The following AMZ1 variants were observed in gnomAD, a reference collection of about 807,000 sequenced individuals.
AMZ1 encodes archaemetzincin-1.
AMZ1 carries 39 observed loss-of-function variants against 29.9 expected under a neutral mutation model. That is an observed-to-expected ratio of 1.30 (90% CI 1.01 to 1.70). The LOEUF (loss-of-function observed/expected upper bound fraction) is 1.70. AMZ1 is among the 40% of genes most tolerant of loss of function. The pLI is 0.00. For missense variants in AMZ1, 1,041 were observed against 680.6 expected, an observed-to-expected ratio of 1.53 and a Z score of -5.89; for synonymous variants, 458 against 304.0, an observed-to-expected ratio of 1.51 and a Z score of -5.27.
At chr7:2,706,257 C>T (rs1488668259) in intron 3 of AMZ1, among the ~76,000 whole-genome samples, 1 of 152,146 alleles carries the variant, frequency 6.6e-6, no homozygotes, top group Non-Finnish European at 1.5e-5. Context: ...CTCCCTGCAG[C>T]CTTGAACTCC....
chr7:2,705,907 G>C (rs571504318), intron 3 of AMZ1, among the ~76,000 whole-genome samples: 5 of 152,294 alleles, frequency 3.3e-5, no homozygotes, highest in Non-Finnish European at 7.4e-5. Context: ...CCTCCCCCAC[G>C]CCGTACACGG....
At chr7:2,695,712 T>C (rs1001400636) in intron 1 of AMZ1, among the ~76,000 whole-genome samples, 1 of 148,916 alleles carries the variant, frequency 6.7e-6, no homozygotes, top group Non-Finnish European at 1.5e-5. Flanking sequence ...TCCTGTCTCA[T>C]TTAAAAAAGA....
At chr7:2,761,184 G>A (rs1402862102), upstream of AMZ1, among the ~76,000 whole-genome samples, 2 of 152,148 alleles carry the variant, frequency 1.3e-5, no homozygotes, top group East Asian at 1.9e-4. Flanking sequence ...CACCGTGCAC[G>A]GCACTGCGCA....
Position 2,728,781 on chromosome 7 carries a change from C to T in AMZ1, n.550+18965C>T, listed in dbSNP as rs551454529. 4.6e-5 allele frequency: 7 copies of T among 152,480 alleles called. No homozygotes were observed. In the East Asian group the frequency reaches 1.3e-3, roughly 29 times the overall value. The allele number at this position is 152,480 out of a possible 1,614,324, so 9.4% of individuals were successfully genotyped here. A position where few individuals can be genotyped will look rare whatever the true frequency, so the allele number is the denominator to read the frequency against. ...GCAGAGTTTCCTTCTTCTCCAATTA[C>T]AATGTGTTACAGAATTTGGAAGGGG... On this transcript the variant is annotated intron_variant and non_coding_transcript_variant, in intron 4 of 4. Transcript: ENST00000489665.
downstream of AMZ1, among the ~76,000 whole-genome samples, chr7:2,722,274 A>ATT (rs57939882): frequency 2.1e-4 from 31 of 145,382 alleles, no homozygotes; most frequent in African/African-American, 2.0e-4. Flanking sequence ...GGCATTTCGA[A>ATT]TTTTTTTTTT....
In AMZ1 at chr7:2,709,139, T is replaced by G. The variant is rs555387120; in HGVS notation, c.666T>G (p.Pro222=). 6.9e-6 allele frequency: 11 copies of G among 1,595,894 alleles called. No individual in the cohort carries two copies. In the African/African-American group the frequency reaches 1.1e-4, roughly 16 times the overall value. The change falls in exon 5 of 7, where the codon CCT becomes CCG. Residue 222 remains proline, a synonymous_variant. Transcript: ENST00000683327. ...GEFPKSGPSA[P]DLALVEAAAD... ...TCCCGAAGTCGGGGCCCAGCGCCCCTGATCTGGCCCTGGTAGAGGCAGCAG... is the reference window on the plus strand; with the variant it reads ...TCCCGAAGTCGGGGCCCAGCGCCCCGGATCTGGCCCTGGTAGAGGCAGCAG...
intron 4 of AMZ1, among the ~76,000 whole-genome samples, chr7:2,746,260 T>A (rs1790758459): frequency 6.6e-6 from 1 of 152,058 alleles, no homozygotes; most frequent in East Asian, 1.9e-4. Context: ...AATTGACCAC[T>A]TGATAGTTGG....
chr7:2,752,836 CTGT>C (rs1791103631), intron 4 of AMZ1, among the ~76,000 whole-genome samples: 1 of 152,182 alleles, frequency 6.6e-6, no homozygotes, highest in Non-Finnish European at 1.5e-5. Context: ...GTGGTTACAT[CTGT>C]TGTTCTTATA....
At chr7:2,756,295 A>G (rs1019521113) in intron 4 of AMZ1, among the ~76,000 whole-genome samples, 2 of 152,208 alleles carry the variant, frequency 1.3e-5, no homozygotes, top group Non-Finnish European at 2.9e-5. Flanking sequence ...TCAAAAAAGG[A>G]CATTGATTCT....
rs10950842 is a variant in AMZ1 at position 2,714,295 on chromosome 7, A to C, written c.*1417A>C. The C allele has an allele frequency of 0.48, 72,995 of 152,116 alleles. 18,304 individuals are homozygous for C. The highest frequency in any genetic ancestry group is 0.59 in the African/African-American group (24,520 of 41,418). 9.4% of individuals were successfully genotyped at this position (152,116 alleles called of 1,614,324 possible). ...GGCTTCTAAGAAAAACAAAATACAAAACTAAAACTAGAAGGGCTATGCAGG... is the reference window on the plus strand; with the variant it reads ...GGCTTCTAAGAAAAACAAAATACAACACTAAAACTAGAAGGGCTATGCAGG... On this transcript the variant is annotated 3_prime_UTR_variant, in exon 7 of 7. Coordinates refer to ENST00000683327, the MANE Select transcript of AMZ1 (RefSeq NM_001384743.1).
chr7:2,710,798 A>T (rs1290764779), intron 6 of AMZ1, among the ~76,000 whole-genome samples: 1 of 152,176 alleles, frequency 6.6e-6, no homozygotes, highest in Non-Finnish European at 1.5e-5. Flanking sequence ...GCCATGGCTG[A>T]GGGTAGGAGC....
intron 2 of AMZ1, among the ~76,000 whole-genome samples, chr7:2,701,597 C>T (rs1287176113): frequency 6.6e-6 from 1 of 152,218 alleles, no homozygotes; most frequent in Non-Finnish European, 1.5e-5. Flanking sequence ...GCAGGGCCAG[C>T]TCTGTGCCTC....
intron 4 of AMZ1, among the ~76,000 whole-genome samples, chr7:2,751,620 A>C (rs374039054): frequency 6.6e-6 from 1 of 152,220 alleles, no homozygotes; most frequent in African/African-American, 2.4e-5. Context: ...CAGAACTGAT[A>C]ACCTCCTAAG....
At position 2,731,556 on chromosome 7, in the gene AMZ1, G is replaced by A. The variant is rs1289492823; in HGVS notation, n.550+21740G>A. 5.6e-6 allele frequency: 9 copies of A among 1,610,844 alleles called. No homozygotes were observed. The highest frequency in any genetic ancestry group is 4.5e-5 in the East Asian group (2 of 44,820). On this transcript the variant is annotated intron_variant and non_coding_transcript_variant, in intron 4 of 4. Transcript: ENST00000489665. This position sits in a 1 kb window ranked among gnomAD's most constrained non-coding sequence, Gnocchi z 6.0. The stretch of plus-strand genomic sequence containing the variant: ...GCCTGTCCTCCATGAGGACCTGGTC[G>A]TACTCGCTGGAGGAGACCATGAACA...
rs1789083562 is a variant in AMZ1, at chr7:2,715,737, T to C, written c.*2859T>C. 2 of 152,326 alleles carry C rather than the reference T, an allele frequency of 1.3e-5. No individual in the cohort carries two copies. Among genetic ancestry groups the C allele is most frequent in the South Asian group, 2.1e-4 (1 of 4,826 alleles). 9.4% of individuals were successfully genotyped at this position (152,326 alleles called of 1,614,324 possible). ...TTAGCCCCAGGTTCTGTCTGTGCTGTGGTGAAGAGTGACTTGGGACAGTCA... is the reference window on the plus strand; with the variant it reads ...TTAGCCCCAGGTTCTGTCTGTGCTGCGGTGAAGAGTGACTTGGGACAGTCA... On this transcript the variant is annotated 3_prime_UTR_variant, in exon 7 of 7. Coordinates refer to ENST00000683327, the MANE Select transcript of AMZ1 (RefSeq NM_001384743.1).
intron 4 of AMZ1, among the ~76,000 whole-genome samples, chr7:2,736,691 C>G (rs971119858): frequency 1.3e-5 from 2 of 152,236 alleles, no homozygotes; most frequent in African/African-American, 4.8e-5. Flanking sequence ...CAGCCTTCAG[C>G]AGTTTCTGGA....
downstream of AMZ1, among the ~76,000 whole-genome samples, chr7:2,720,090 A>T (rs1789353893): frequency 6.6e-6 from 1 of 152,250 alleles, no homozygotes; most frequent in South Asian, 2.1e-4. Context: ...TGCATTTGAG[A>T]AGGCAAGGAG....
chr7:2,743,343 G>A (rs1163560659), intron 4 of AMZ1, among the ~76,000 whole-genome samples: 2 of 152,100 alleles, frequency 1.3e-5, no homozygotes, highest in Non-Finnish European at 2.9e-5. Context: ...GTCTTAAAAC[G>A]ACATCCATAA....
intron 4 of AMZ1, among the ~76,000 whole-genome samples, chr7:2,750,376 G>A (rs1260612890): frequency 6.6e-6 from 1 of 152,196 alleles, no homozygotes; most frequent in African/African-American, 2.4e-5. Flanking sequence ...GTTATGCCTG[G>A]CTTTTAAGAA....
Sources: gnomAD v4.1 joint callset for allele counts (sites outside exome capture counted in the v4.1 genomes callset) on GRCh38, gnomAD v4.1.1 for gene constraint, Gnocchi (gnomAD v3.1) non-coding constraint, MANE v1.5 for transcripts, NCBI Gene and HGNC (gene_info 2026-07-23, HGNC 2026-07-21) for gene names.